The following VDR variants were observed in gnomAD, a reference collection of about 807,000 sequenced individuals.
VDR encodes vitamin D3 receptor.
VDR carries 19 observed loss-of-function variants against 39.7 expected under a neutral mutation model. That is an observed-to-expected ratio of 0.48 (90% CI 0.33 to 0.70). The LOEUF is 0.70. VDR is among the 30% of genes least tolerant of loss of function. The probability of loss-of-function intolerance (pLI) is 0.02; values close to 1 mark genes in which losing one functional copy is unlikely to be tolerated. For missense variants in VDR, 442 were observed against 570.5 expected (o/e 0.77, Z 2.29); for synonymous variants, 242 against 215.8 (o/e 1.12, Z -1.07).
chr12:47,852,846 C>T (rs2137135537), intron 7 of VDR, among the ~76,000 whole-genome samples: 1 of 152,232 alleles, frequency 6.6e-6, no homozygotes, highest in East Asian at 1.9e-4. Flanking sequence ...TATATGGCAC[C>T]TCATAATCTG....
chr12:47,846,282 T>G, intron 9 of VDR, 53 bp downstream of exon 9: 1 of 1,548,376 alleles, frequency 6.5e-7, no homozygotes. Flanking sequence ...GTCTTTGTCC[T>G]TCATACTCCC....
At chr12:47,858,509 A>G (rs1391057428) in intron 4 of VDR, among the ~76,000 whole-genome samples, 1 of 152,268 alleles carries the variant, frequency 6.6e-6, no homozygotes, top group Non-Finnish European at 1.5e-5. Flanking sequence ...AGTTCTCTCC[A>G]GCCACTAATC....
chr12:47,859,847 TTCC>T (rs1469536058), intron 4 of VDR, among the ~76,000 whole-genome samples: 2 of 63,856 alleles, frequency 3.1e-5, no homozygotes, highest in African/African-American at 7.8e-5. Flanking sequence ...TTTCCCTTCC[TTCC>T]TTCCTTCCTT....
Position 47,844,844 on chromosome 12 carries a change from C to T in VDR, c.1186G>A (p.Glu396Lys). The T allele has an allele frequency of 6.2e-7, 1 of 1,614,176 alleles. No homozygotes were observed. Among genetic ancestry groups the T allele is most frequent in the Non-Finnish European group, 8.5e-7 (1 of 1,180,018 alleles). Residue 396 changes from glutamate to lysine, a missense_variant, in exon 10 of 10, where the codon GAG becomes AAG. Coordinates refer to ENST00000549336, the MANE Select transcript of VDR (RefSeq NM_000376.3). Reference protein sequence around the residue: ...KLADLRSLNEEHSKQYRCLSF... With the variant: ...KLADLRSLNEKHSKQYRCLSF... ...AGGCAGCGGTACTGCTTGGAGTGCT[C>T]CTCATTGAGGCTGCGCAGGTCGGCT...
At chr12:47,845,052 G>A (rs1945253304) in intron 9 of VDR, 47 bp from the exon 10 acceptor site, 1 of 1,602,244 alleles carries the variant, frequency 6.2e-7, no homozygotes, top group Non-Finnish European at 8.5e-7. Context: ...TCTCAGCTGG[G>A]CCCCTCACTG....
chr12:47,846,848 A>G, intron 7 of VDR, 40 bp from the exon 8 acceptor site: 7 of 1,612,816 alleles, frequency 4.3e-6, no homozygotes, highest in Non-Finnish European at 4.2e-6. Flanking sequence ...TTACCAGTAA[A>G]CGCCTTCAAG....
At chr12:47,870,194 T>C (rs1945822937) in intron 3 of VDR, among the ~76,000 whole-genome samples, 1 of 152,212 alleles carries the variant, frequency 6.6e-6, no homozygotes, top group South Asian at 2.1e-4. Flanking sequence ...TGTTCTTCCC[T>C]GTTCTCCTGC....
At chr12:47,898,591 G>C (rs551687335) in intron 1 of VDR, 1 of 154,612 alleles carries the variant, frequency 6.5e-6, no homozygotes, top group Non-Finnish European at 1.5e-5. Flanking sequence ...CTGTCCTATC[G>C]TAATAGCTCA....
At chr12:47,887,221 C>T (rs1416778572) in intron 1 of VDR, among the ~76,000 whole-genome samples, 1 of 146,440 alleles carries the variant, frequency 6.8e-6, no homozygotes, top group Non-Finnish European at 1.5e-5. Context: ...ACTCAGGAGG[C>T]TGAGGCGGGA....
At chr12:47,879,662 G>C (rs1445750542) in intron 2 of VDR, among the ~76,000 whole-genome samples, 1 of 152,134 alleles carries the variant, frequency 6.6e-6, no homozygotes, top group African/African-American at 2.4e-5. Context: ...AGGTGCCCTG[G>C]TCATTCCAGC....
chr12:47,882,623 G>GCCCCAGGCCCCCCCCCCC, intron 2 of VDR, 71 bp downstream of exon 2: 1 of 543,282 alleles, frequency 1.8e-6, no homozygotes, highest in Non-Finnish European at 3.2e-6. Flanking sequence ...ACCTTCTTAT[G>GCCCCAGGCCCCCCCCCCC]CCCCTCCCCC....
intron 2 of VDR, among the ~76,000 whole-genome samples, chr12:47,881,104 G>A (rs118143888): frequency 0.066 from 7,033 of 106,254 alleles, 213 homozygotes; most frequent in Non-Finnish European, 0.12. Context: ...GTGTGTGTGT[G>A]TATATATATA....
chr12:47,869,352 C>T (rs1015059981), intron 3 of VDR, among the ~76,000 whole-genome samples: 9 of 151,786 alleles, frequency 5.9e-5, no homozygotes, highest in African/African-American at 9.7e-5. Context: ...GTGGCTAACA[C>T]GGTGAAACCC....
At chr12:47,904,485 A>G in intron 1 of VDR, 2 of 1,007,888 alleles carry the variant, frequency 2.0e-6, no homozygotes, top group Non-Finnish European at 2.7e-6. Flanking sequence ...AAAAAAAAAA[A>G]AATTACTTAA....
intron 3 of VDR, chr12:47,878,705 A>G (rs757420128): frequency 1.7e-6 from 1 of 576,608 alleles, no homozygotes; most frequent in Non-Finnish European, 3.2e-6. Flanking sequence ...GCTGTGGGTT[A>G]CAGGCGTAAT....
At chr12:47,895,446 G>A (rs1647668782) in intron 1 of VDR, among the ~76,000 whole-genome samples, 1 of 152,140 alleles carries the variant, frequency 6.6e-6, no homozygotes, top group African/African-American at 2.4e-5. Flanking sequence ...AGGTATTCTT[G>A]GAATATCTTA....
chr12:47,896,200 G>A (rs891477884), intron 1 of VDR, among the ~76,000 whole-genome samples: 8 of 152,264 alleles, frequency 5.3e-5, no homozygotes, highest in African/African-American at 7.2e-5. Flanking sequence ...TGCCTGGCAC[G>A]TAGTACCTGC....
At chr12:47,880,579 T>C (rs1046220495) in intron 2 of VDR, among the ~76,000 whole-genome samples, 15 of 152,164 alleles carry the variant, frequency 9.9e-5, no homozygotes, top group African/African-American at 3.6e-4. Context: ...AGCAAGAATA[T>C]GTTATCATCA....
At chr12:47,845,146 A>G (rs1945255726) in intron 9 of VDR, 141 bp from the exon 10 acceptor site, 1 of 1,346,432 alleles carries the variant, frequency 7.4e-7, no homozygotes, top group East Asian at 2.4e-5. Flanking sequence ...GACCGGTGAT[A>G]CCACTGCCTG....
Sources: gnomAD v4.1 joint callset for allele counts (sites outside exome capture counted in the v4.1 genomes callset) on GRCh38, gnomAD v4.1.1 for gene constraint, MANE v1.5 for transcripts, NCBI Gene and HGNC (gene_info 2026-07-23, HGNC 2026-07-21) for gene names.